The following CTTNBP2 variants were observed in gnomAD, a reference collection of about 807,000 sequenced individuals.
CTTNBP2 encodes the protein cortactin binding protein 2.
In CTTNBP2, 108 loss-of-function variants were observed where a neutral mutation model predicts 156.9. The ratio of observed to expected loss-of-function variants is 0.69; its 90% CI spans 0.59 to 0.81. The LOEUF is 0.81. Ranked by LOEUF, CTTNBP2 falls within the 30% of genes least tolerant of loss-of-function variation. CTTNBP2 has a pLI of 0.00. For synonymous variants in CTTNBP2, 767 were observed against 751.8 expected, an observed-to-expected ratio of 1.02 and a Z score of -0.33; for missense variants, 1,924 against 2,035.4, an observed-to-expected ratio of 0.95 and a Z score of 1.05.
At chr7:117,872,952 A>G (rs1804725017) in intron 1 of CTTNBP2, among the ~76,000 whole-genome samples, 1 of 151,716 alleles carries the variant, frequency 6.6e-6, no homozygotes, top group Non-Finnish European at 1.5e-5. Flanking sequence ...GCGCAGCGAG[A>G]GGTGAACAAT....
chr7:117,728,652 T>C (rs1166673708), intron 16 of CTTNBP2, among the ~76,000 whole-genome samples: 3 of 152,216 alleles, frequency 2.0e-5, no homozygotes, highest in Non-Finnish European at 4.4e-5. Context: ...ATTTGTGGTA[T>C]ATATCATGAT....
chr7:117,771,982 G>A (rs117192365), intron 8 of CTTNBP2, among the ~76,000 whole-genome samples: 10 of 152,216 alleles, frequency 6.6e-5, no homozygotes, highest in East Asian at 1.9e-4. Flanking sequence ...CACATTGGCC[G>A]GTCACACGTG....
chr7:117,717,671 T>C (rs764742617), intron 22 of CTTNBP2, among the ~76,000 whole-genome samples: 16 of 151,558 alleles, frequency 1.1e-4, no homozygotes, highest in Admixed American at 6.6e-5. Context: ...TAAACTTTGG[T>C]ACTATCTTAG....
chr7:117,766,593 A>C (rs1026551246), intron 9 of CTTNBP2, among the ~76,000 whole-genome samples: 1 of 152,192 alleles, frequency 6.6e-6, no homozygotes, highest in African/African-American at 2.4e-5. Context: ...AGCCTTTATA[A>C]AATGCTGAGG....
At chr7:117,773,688 CACACACACACA>C (rs1797923822) in intron 8 of CTTNBP2, among the ~76,000 whole-genome samples, 1 of 150,068 alleles carries the variant, frequency 6.7e-6, no homozygotes. Context: ...CACACACACA[CACACACACACA>C]CACACACACC....
At chr7:117,842,901 T>A (rs1397197229) in intron 2 of CTTNBP2, among the ~76,000 whole-genome samples, 1 of 152,166 alleles carries the variant, frequency 6.6e-6, no homozygotes, top group Non-Finnish European at 1.5e-5. Context: ...AGAATAAAAT[T>A]CCTGCCCTCA....
chr7:117,843,801 T>C (rs1802412134), intron 2 of CTTNBP2, among the ~76,000 whole-genome samples: 1 of 152,120 alleles, frequency 6.6e-6, no homozygotes, highest in African/African-American at 2.4e-5. Context: ...GGTATCAAAA[T>C]AATTCAGACA....
In CTTNBP2 at chr7:117,743,005, G is replaced by C. The variant is rs1032987996; in HGVS notation, c.3535+2826C>G. 3.3e-5 allele frequency among the ~76,000 whole-genome samples: 5 copies of C among 152,160 alleles called. No individual in the cohort carries two copies. The South Asian group carries it at 1.0e-3, about 32-fold the overall frequency. ...TCTTCCTGTGGCTTGTTGTTACTTG[G>C]GGGCATTGAGGTTTTCAAGCCTGCC... On this transcript the variant is annotated intron_variant, in intron 14 of 22. Transcript: ENST00000160373.
chr7:117,777,740 G>A lies in CTTNBP2; in HGVS notation c.2549C>T (p.Ala850Val). ...GCTGTCCACATTACCAGTGTCCACA[G>A]CTGCGTGAACTGGTGTCCAGCCATC... is the stretch of plus-strand genomic sequence containing the variant. ...TTDGWTPVHA[A>V]VDTGNVDSLK... Residue 850 changes from alanine (A) to valine (V), a missense_variant, in exon 8 of 23, where the codon GCT (alanine) becomes GTT (valine). Coordinates refer to ENST00000160373, the MANE Select transcript of CTTNBP2 (RefSeq NM_033427.3). 1 of 1,611,940 alleles carries A rather than the reference G, an allele frequency of 6.2e-7. No homozygotes were observed. The highest frequency in any genetic ancestry group is 8.5e-7 in the Non-Finnish European group (1 of 1,178,186).
chr7:117,810,930 C>T lies in CTTNBP2; in HGVS notation c.249G>A (p.Pro83=), dbSNP rs759604104. ...CATAGTCTCTCTGGAGTGCCAGGAACGGGTCATTTAGATTAAATCTCCCAT... is the reference window on the plus strand; with the variant it reads ...CATAGTCTCTCTGGAGTGCCAGGAATGGGTCATTTAGATTAAATCTCCCAT... The part of the protein sequence containing the change: ...ERYGRFNLND[P]FLALQRDYEA... The change falls in exon 3 of 23, where the codon CCG becomes CCA. Residue 83 remains proline, a synonymous_variant. Coordinates refer to ENST00000160373, the MANE Select transcript of CTTNBP2 (RefSeq NM_033427.3). 2.6e-5 allele frequency: 42 copies of T among 1,613,908 alleles called. No individual in the cohort carries two copies. Among genetic ancestry groups the T allele is most frequent in the Middle Eastern group, 1.6e-4 (1 of 6,068 alleles).
At chr7:117,778,744 C>T (rs541358788) in intron 7 of CTTNBP2, among the ~76,000 whole-genome samples, 2 of 152,310 alleles carry the variant, frequency 1.3e-5, no homozygotes, top group South Asian at 4.1e-4. Context: ...GCCTTCTACT[C>T]AGGCACCCAT....
At position 117,773,347 on chromosome 7, in the gene CTTNBP2, T is replaced by C. The variant is rs374943221; in HGVS notation, c.2778+4164A>G. Among the ~76,000 whole-genome samples, 3 of 152,294 alleles carry C rather than the reference T, an allele frequency of 2.0e-5. No homozygotes were observed. The East Asian group carries it at 5.8e-4, about 29-fold the overall frequency. ...CTGCTACAGTGTGAGTAGAAACGTCTGACTCTCATATGACTAAAAGCTAAC... is the reference window on the plus strand; with the variant it reads ...CTGCTACAGTGTGAGTAGAAACGTCCGACTCTCATATGACTAAAAGCTAAC... On this transcript the variant is annotated intron_variant, in intron 8 of 22. Transcript: ENST00000160373.
intron 3 of CTTNBP2, among the ~76,000 whole-genome samples, chr7:117,803,925 C>G (rs909273595): frequency 1.3e-5 from 2 of 151,964 alleles, no homozygotes; most frequent in African/African-American, 4.8e-5. Context: ...TGAATAACTG[C>G]TTTTTGATGT....
chr7:117,805,577 T>C (rs1363723399), intron 3 of CTTNBP2, among the ~76,000 whole-genome samples: 1 of 152,222 alleles, frequency 6.6e-6, no homozygotes, highest in African/African-American at 2.4e-5. Flanking sequence ...TGGCATACAC[T>C]GCGAGCTCAT....
chr7:117,847,366 T>C (rs1802648527), intron 2 of CTTNBP2, among the ~76,000 whole-genome samples: 1 of 152,118 alleles, frequency 6.6e-6, no homozygotes, highest in South Asian at 2.1e-4. Context: ...TGAAACCCTG[T>C]CTCTACTAAA....
At chr7:117,847,952 G>A (rs1802701771) in intron 2 of CTTNBP2, among the ~76,000 whole-genome samples, 1 of 150,192 alleles carries the variant, frequency 6.7e-6, no homozygotes, top group Non-Finnish European at 1.5e-5. Flanking sequence ...CCGACTAGCT[G>A]GGATTACAAG....
intron 1 of CTTNBP2, among the ~76,000 whole-genome samples, chr7:117,870,214 T>C (rs10428901): frequency 0.19 from 29,136 of 152,200 alleles, 3,619 homozygotes; most frequent in East Asian, 0.41. Context: ...TACTTTAGGG[T>C]AGCAAAGATC....
chr7:117,726,865 G>A (rs1000027327), intron 17 of CTTNBP2, among the ~76,000 whole-genome samples: 5 of 152,144 alleles, frequency 3.3e-5, no homozygotes, highest in African/African-American at 1.2e-4. Context: ...TGTTGTGGGT[G>A]ATGAAGTGCT....
intron 14 of CTTNBP2, among the ~76,000 whole-genome samples, chr7:117,739,413 C>T (rs948372469): frequency 3.3e-5 from 5 of 152,128 alleles, no homozygotes; most frequent in Admixed American, 6.5e-5. Context: ...CACTTCAAAA[C>T]GCTATTTCTA....
Sources: gnomAD v4.1 joint callset for allele counts (sites outside exome capture counted in the v4.1 genomes callset) on GRCh38, gnomAD v4.1.1 for gene constraint, MANE v1.5 for transcripts, NCBI Gene and HGNC (gene_info 2026-07-23, HGNC 2026-07-21) for gene names.